SPAG9: variants seen among roughly 807,000 people sequenced by gnomAD.
SPAG9 encodes the protein C-Jun-amino-terminal kinase-interacting protein 4.
A neutral mutation model predicts 166.5 loss-of-function variants in SPAG9; 35 were observed. That is an observed-to-expected ratio of 0.21 (90% CI 0.16 to 0.28). The LOEUF (loss-of-function observed/expected upper bound fraction) is 0.28, where lower values mean the gene tolerates loss of function less well. Ranked by LOEUF, SPAG9 falls within the 10% of genes least tolerant of loss-of-function variation. SPAG9 has a pLI of 1.00. For missense variants in SPAG9, 1,235 were observed against 1,603.3 expected (o/e 0.77, Z 3.92); for synonymous variants, 534 against 565.5 (o/e 0.94, Z 0.79).
At chr17:51,000,094 A>G (rs139012278) in intron 13 of SPAG9, among the ~76,000 whole-genome samples, 3 of 152,144 alleles carry the variant, frequency 2.0e-5, no homozygotes, top group Non-Finnish European at 4.4e-5. Context: ...AGTCTCTATC[A>G]TCTATACTCG....
intron 1 of SPAG9, among the ~76,000 whole-genome samples, chr17:51,094,589 C>T (rs1489601059): frequency 6.6e-6 from 1 of 152,090 alleles, no homozygotes; most frequent in African/African-American, 2.4e-5. Flanking sequence ...GGGAAGTTTC[C>T]TTTACAAGAA....
chr17:51,029,009 A>G (rs2046292672), intron 6 of SPAG9, among the ~76,000 whole-genome samples: 1 of 152,206 alleles, frequency 6.6e-6, no homozygotes, highest in Admixed American at 6.5e-5. Context: ...GCAGTCATCA[A>G]GTCTCTTTCT....
chr17:51,062,787 G>C (rs2047554094), intron 2 of SPAG9, among the ~76,000 whole-genome samples: 1 of 151,850 alleles, frequency 6.6e-6, no homozygotes, highest in African/African-American at 2.4e-5. Flanking sequence ...ACAGGGTTTC[G>C]CCATGTTGGC....
chr17:50,995,602 G>C, intron 16 of SPAG9, 69 bp from the exon 17 acceptor site: 1 of 891,402 alleles, frequency 1.1e-6, no homozygotes, highest in Non-Finnish European at 1.9e-6. Flanking sequence ...ACTTATTACA[G>C]ATCCACTGAG....
At chr17:51,091,162 A>G (rs1190983487) in intron 1 of SPAG9, among the ~76,000 whole-genome samples, 2 of 151,138 alleles carry the variant, frequency 1.3e-5, no homozygotes, top group African/African-American at 4.9e-5. Context: ...AGTCCCAGCT[A>G]CTCAAAGGCT....
intron 1 of SPAG9, among the ~76,000 whole-genome samples, chr17:51,109,925 T>C (rs1164654679): frequency 6.6e-6 from 1 of 151,888 alleles, no homozygotes; most frequent in African/African-American, 2.4e-5. Context: ...TTACCCAGGC[T>C]GATCTTCAAC....
chr17:50,977,267 A>G, intron 26 of SPAG9, 46 bp from the exon 27 acceptor site: 1 of 1,173,808 alleles, frequency 8.5e-7, no homozygotes, highest in Non-Finnish European at 1.3e-6. Context: ...TAAAGCAGAC[A>G]GTGTTTTACA....
In SPAG9 at chr17:50,995,449, T is replaced by C. The variant is rs755800371; in HGVS notation, c.2053A>G (p.Met685Val). Residue 685 changes from methionine (M) to valine (V), a missense_variant, in exon 17 of 30, where the codon ATG becomes GTG. Met to Val is a conservative substitution (Grantham distance 21). Transcript: ENST00000262013. ...LRPLDEKDTSMKLWCAVGVNL... is the reference protein window; with the variant it reads ...LRPLDEKDTSVKLWCAVGVNL... ...TTAATTCACAATGAACTTACCTTCA[T>C]TGATGTATCTTTTTCATCCAGAGGT... 8 of 1,603,706 alleles carry C rather than the reference T, an allele frequency of 5.0e-6. No homozygotes were observed. The East Asian group carries it at 8.9e-5, about 18-fold the overall frequency.
At chr17:51,089,346 C>T (rs1259372732) in intron 1 of SPAG9, among the ~76,000 whole-genome samples, 1 of 148,966 alleles carries the variant, frequency 6.7e-6, no homozygotes, top group Non-Finnish European at 1.5e-5. Flanking sequence ...ATCACTTGAA[C>T]CCAAGAGGTA....
chr17:51,006,756 C>G (rs1384987142), intron 10 of SPAG9, among the ~76,000 whole-genome samples: 3 of 152,126 alleles, frequency 2.0e-5, no homozygotes, highest in Non-Finnish European at 4.4e-5. Context: ...GACAAAGGAA[C>G]CCAGTCAGCT....
At chr17:51,098,666 G>A (rs1015496692) in intron 1 of SPAG9, among the ~76,000 whole-genome samples, 1 of 151,956 alleles carries the variant, frequency 6.6e-6, no homozygotes, top group African/African-American at 2.4e-5. Flanking sequence ...CTAATTTTCT[G>A]TATTTTTAGT....
chr17:51,115,315 A>C (rs1016607651), intron 1 of SPAG9, among the ~76,000 whole-genome samples: 6 of 151,850 alleles, frequency 4.0e-5, no homozygotes, highest in African/African-American at 1.5e-4. Flanking sequence ...TAGCCTCCTG[A>C]GTAGCTAGGA....
At chr17:51,102,624 T>A (rs554289488) in intron 1 of SPAG9, among the ~76,000 whole-genome samples, 2 of 151,840 alleles carry the variant, frequency 1.3e-5, no homozygotes, top group South Asian at 2.1e-4. Flanking sequence ...TGCCTCAGCC[T>A]CCCCAGTAGC....
intron 15 of SPAG9, among the ~76,000 whole-genome samples, chr17:50,997,659 T>C (rs567767035): frequency 7.9e-5 from 12 of 152,198 alleles, no homozygotes; most frequent in Non-Finnish European, 1.6e-4. Context: ...ACTTTACAGA[T>C]AACTGTATAA....
intron 2 of SPAG9, 53 bp downstream of exon 2, chr17:51,079,531 G>T (rs536191315): frequency 6.3e-7 from 1 of 1,585,032 alleles, no homozygotes; most frequent in Admixed American, 1.8e-5. Context: ...GAGCCACCAC[G>T]TCTGGCCAAG....
At chr17:51,074,527 C>G (rs1286449317) in intron 2 of SPAG9, among the ~76,000 whole-genome samples, 1 of 152,168 alleles carries the variant, frequency 6.6e-6, no homozygotes, top group African/African-American at 2.4e-5. Flanking sequence ...GTTCTTTATA[C>G]AGCAAGCTTT....
chr17:51,052,486 GGGA>G (rs746035323), intron 3 of SPAG9, among the ~76,000 whole-genome samples: 1 of 152,244 alleles, frequency 6.6e-6, no homozygotes, highest in Non-Finnish European at 1.5e-5. Context: ...TCATAACTGA[GGGA>G]GGAGATCTAT....
intron 18 of SPAG9, 125 bp downstream of exon 18, chr17:50,994,932 G>T: frequency 1.5e-6 from 1 of 650,438 alleles, no homozygotes; most frequent in Non-Finnish European, 2.7e-6. Context: ...TTAAAAGGGT[G>T]CTGAGGGACA....
chr17:50,996,126 C>T (rs143754859), intron 16 of SPAG9: 2,146 of 168,558 alleles, frequency 0.013, 18 homozygotes, highest in Non-Finnish European at 0.018. Context: ...TGTACATGAA[C>T]ATGTGAGTCT....
Sources: gnomAD v4.1 joint callset for allele counts (sites outside exome capture counted in the v4.1 genomes callset) on GRCh38, gnomAD v4.1.1 for gene constraint, MANE v1.5 for transcripts, NCBI Gene and HGNC (gene_info 2026-07-23, HGNC 2026-07-21) for gene names.